EIF4EBP2: variants seen among roughly 807,000 people sequenced by gnomAD.
EIF4EBP2 encodes the protein eukaryotic translation initiation factor 4E-binding protein 2.
In EIF4EBP2, 5 loss-of-function variants were observed where a neutral mutation model predicts 10.3. That is an observed-to-expected ratio of 0.48 (90% CI 0.25 to 1.02). The LOEUF is 1.02. Among genes scored for constraint, EIF4EBP2 ranks in the 50% least tolerant of loss-of-function variants. The pLI, the probability that EIF4EBP2 is intolerant of heterozygous loss-of-function variation, is 0.15. For synonymous variants in EIF4EBP2, 67 were observed against 61.1 expected (o/e 1.10, Z -0.45); for missense variants, 188 against 162.2 (o/e 1.16, Z -0.86).
At chr10:70,415,080 C>T (rs1369571937) in intron 1 of EIF4EBP2, among the ~76,000 whole-genome samples, 2 of 151,728 alleles carry the variant, frequency 1.3e-5, no homozygotes, top group East Asian at 1.9e-4. Context: ...ACCGCTTGAG[C>T]CCAGGAGGTG....
chr10:70,413,283 GTCC>G (rs1554848441), intron 1 of EIF4EBP2, among the ~76,000 whole-genome samples: 4 of 152,026 alleles, frequency 2.6e-5, no homozygotes, highest in African/African-American at 7.3e-5. Context: ...CCATTCACCT[GTCC>G]TCCTGCCTTT....
At chr10:70,421,310 G>T (rs1159857025) in intron 2 of EIF4EBP2, among the ~76,000 whole-genome samples, 1 of 152,162 alleles carries the variant, frequency 6.6e-6, no homozygotes, top group African/African-American at 2.4e-5. Context: ...ACCCCTAGAT[G>T]GGGGCCAGCA....
chr10:70,421,535 A>C (rs1287313587), intron 2 of EIF4EBP2, among the ~76,000 whole-genome samples, 181 bp from the exon 3 acceptor site: 2 of 152,182 alleles, frequency 1.3e-5, no homozygotes, highest in African/African-American at 4.8e-5. Context: ...GGGTGATGGG[A>C]CTGCCATTCT....
At chr10:70,415,066 G>A (rs1242735129) in intron 1 of EIF4EBP2, among the ~76,000 whole-genome samples, 1 of 151,556 alleles carries the variant, frequency 6.6e-6, no homozygotes, top group African/African-American at 2.4e-5. Flanking sequence ...GCTGAGGCAG[G>A]AGGACCGCTT....
chr10:70,411,144 C>T (rs990310418), intron 1 of EIF4EBP2, among the ~76,000 whole-genome samples: 5 of 152,094 alleles, frequency 3.3e-5, no homozygotes, highest in African/African-American at 1.2e-4. Flanking sequence ...CCTTGTTTTG[C>T]AACCATCACC....
Position 70,420,105 on chromosome 10 carries a change from A to T in EIF4EBP2, c.331+6A>T. ...CGACAGGAAACATGCAGTTGGTAAG[A>T]GAATGGCGATGTTGGAGACCTAGAG... On this transcript the variant is annotated splice_donor_region_variant and intron_variant, in intron 2 of 2. Transcript: ENST00000373218. 1 of 1,595,954 alleles carries T rather than the reference A, an allele frequency of 6.3e-7. No individual in the cohort carries two copies. The highest frequency in any genetic ancestry group is 1.7e-4 in the Middle Eastern group (1 of 5,996).
chr10:70,412,653 GT>G (rs762150292), intron 1 of EIF4EBP2, among the ~76,000 whole-genome samples: 85 of 152,232 alleles, frequency 5.6e-4, no homozygotes, highest in South Asian at 1.7e-3. Context: ...CCTTCTTGTT[GT>G]TTTCTGCAGT....
chr10:70,404,612 TCGGTGCCC>T (rs1564659384), intron 1 of EIF4EBP2, 66 bp downstream of exon 1: 2 of 1,442,504 alleles, frequency 1.4e-6, no homozygotes, highest in African/African-American at 3.0e-5. Flanking sequence ...CCTCGGCGCC[TCGGTGCCC>T]GGCCGCTTCG....
chr10:70,404,294 A>AG lies in EIF4EBP2; in HGVS notation c.-106dup. ...ACGAGGGAACGGGAGGAAGCGAGCGAGGAGCGCGCAGAGCGCGCTTTTCCG... is the reference window on the plus strand; with the variant it reads ...ACGAGGGAACGGGAGGAAGCGAGCGAGGGAGCGCGCAGAGCGCGCTTTTCCG... On this transcript the variant is annotated 5_prime_UTR_variant, in exon 1 of 3. Coordinates refer to ENST00000373218, the MANE Select transcript of EIF4EBP2 (RefSeq NM_004096.5). 1 of 1,356,892 alleles carries AG rather than the reference A, an allele frequency of 7.4e-7. No individual in the cohort carries two copies. The highest frequency in any genetic ancestry group is 9.6e-7 in the Non-Finnish European group (1 of 1,045,092). The allele number at this position is 1,356,892 out of a possible 1,614,324, so 84.1% of individuals were successfully genotyped here.
intron 1 of EIF4EBP2, among the ~76,000 whole-genome samples, chr10:70,409,404 T>C (rs1461191628): frequency 6.6e-6 from 1 of 152,232 alleles, no homozygotes; most frequent in Non-Finnish European, 1.5e-5. Flanking sequence ...GTTACTATAG[T>C]TGGCTCCACT....
At chr10:70,408,787 G>C (rs534094198) in intron 1 of EIF4EBP2, among the ~76,000 whole-genome samples, 2 of 152,298 alleles carry the variant, frequency 1.3e-5, no homozygotes, top group South Asian at 2.1e-4. Context: ...TCTTGATTTG[G>C]GGGTAGGGGC....
At chr10:70,408,210 A>AC (rs1191557565) in intron 1 of EIF4EBP2, among the ~76,000 whole-genome samples, 3 of 133,578 alleles carry the variant, frequency 2.2e-5, no homozygotes, top group African/African-American at 2.8e-5. Flanking sequence ...CGGGGGGCTG[A>AC]CCCCCCCACC....
At position 70,404,418 on chromosome 10, in the gene EIF4EBP2, G is replaced by T; in HGVS notation, c.17G>T (p.Gly6Val). Reference protein sequence around the residue: MSSSAGSGHQPSQSRA... With the variant: MSSSAVSGHQPSQSRA... ...CCCACAGCCATGTCCTCGTCAGCCG[G>T]CAGCGGCCACCAGCCCAGCCAGAGC... The change falls in exon 1 of 3, where the codon GGC (glycine) becomes GTC (valine). Residue 6 changes from glycine (G) to valine (V), a missense_variant. Physicochemically the swap from Gly to Val is moderately radical, Grantham distance 109 (BLOSUM62 -3). Coordinates refer to ENST00000373218, the MANE Select transcript of EIF4EBP2 (RefSeq NM_004096.5). The T allele has an allele frequency of 6.3e-7, 1 of 1,588,238 alleles. No homozygotes were observed. The highest frequency in any genetic ancestry group is 1.1e-5 in the South Asian group (1 of 88,766).
intron 1 of EIF4EBP2, 127 bp downstream of exon 1, chr10:70,404,673 TG>T: frequency 8.0e-7 from 1 of 1,256,380 alleles, no homozygotes; most frequent in Non-Finnish European, 1.0e-6. Context: ...ACGCTGCCCT[TG>T]GGCCCGCCCG....
chr10:70,404,288 C>G lies in EIF4EBP2; in HGVS notation c.-114C>G. 1.5e-6 allele frequency: 2 copies of G among 1,328,734 alleles called. No homozygotes were observed. Among genetic ancestry groups the G allele is most frequent in the Non-Finnish European group, 2.0e-6 (2 of 1,025,232 alleles). 82.3% of individuals were successfully genotyped at this position (1,328,734 alleles called of 1,614,324 possible). ...AGCGGGACGAGGGAACGGGAGGAAG[C>G]GAGCGAGGAGCGCGCAGAGCGCGCT... On this transcript the variant is annotated 5_prime_UTR_variant, in exon 1 of 3. Coordinates refer to ENST00000373218, the MANE Select transcript of EIF4EBP2 (RefSeq NM_004096.5).
At position 70,423,675 on chromosome 10, in the gene EIF4EBP2, A is replaced by G. The variant is rs1051932769; in HGVS notation, c.*1928A>G. On this transcript the variant is annotated 3_prime_UTR_variant, in exon 3 of 3. Coordinates refer to ENST00000373218, the MANE Select transcript of EIF4EBP2 (RefSeq NM_004096.5). Reference sequence around the variant, plus strand: ...CTATGAAAAGACCCTGTTTGTGAATATATTTTAGAAAGAGAGGAAGGATGT... The same window carrying G: ...CTATGAAAAGACCCTGTTTGTGAATGTATTTTAGAAAGAGAGGAAGGATGT... 6.6e-6 allele frequency: 1 copy of G among 152,604 alleles called. No individual in the cohort carries two copies. The highest frequency in any genetic ancestry group is 1.5e-5 in the Non-Finnish European group (1 of 68,046). The allele number at this position is 152,604 out of a possible 1,614,324, so 9.5% of individuals were successfully genotyped here.
intron 1 of EIF4EBP2, among the ~76,000 whole-genome samples, chr10:70,409,272 A>G (rs1845016666): frequency 6.6e-6 from 1 of 152,148 alleles, no homozygotes; most frequent in Admixed American, 6.5e-5. Flanking sequence ...TTTGTTGGGC[A>G]AATTCCAGGC....
At chr10:70,408,365 C>A (rs1467398539) in intron 1 of EIF4EBP2, among the ~76,000 whole-genome samples, 2 of 152,208 alleles carry the variant, frequency 1.3e-5, no homozygotes, top group Admixed American at 1.3e-4. Context: ...CTGCCCGCCT[C>A]GGCCTCCCAA....
At chr10:70,407,721 G>C (rs111267366) in intron 1 of EIF4EBP2, among the ~76,000 whole-genome samples, 3 of 70,520 alleles carry the variant, frequency 4.3e-5, no homozygotes, top group Admixed American at 1.5e-4. Flanking sequence ...CCTCCCGGGC[G>C]GGGGGCTGAC....
Sources: allele counts gnomAD v4.1 joint callset (sites outside exome capture counted in the v4.1 genomes callset), GRCh38; gene constraint gnomAD v4.1.1; transcripts MANE v1.5; gene names NCBI Gene and HGNC (gene_info 2026-07-23, HGNC 2026-07-21).